PCDHA8: variants seen among roughly 807,000 people sequenced by gnomAD.
The protein encoded by PCDHA8 is protocadherin alpha-8.
A neutral mutation model predicts 61.8 loss-of-function variants in PCDHA8; 53 were observed. The observed-to-expected ratio is 0.86, with a 90% CI of 0.69 to 1.08. The LOEUF is 1.08. Among genes scored for constraint, PCDHA8 ranks in the 50% least tolerant of loss-of-function variants. PCDHA8 has a pLI of 0.00. For synonymous variants in PCDHA8, 618 were observed against 556.6 expected (o/e 1.11, Z -1.55); for missense variants, 1,293 against 1,245.0 (o/e 1.04, Z -0.58).
chr5:140,875,516 TG>T, intron 1 of PCDHA8: 1 of 1,613,976 alleles, frequency 6.2e-7, no homozygotes, highest in Non-Finnish European at 8.5e-7. Context: ...CAGCGTCTGC[TG>T]CTCTCGCTTC....
At chr5:140,962,601 C>T (rs1227208523) in intron 1 of PCDHA8, among the ~76,000 whole-genome samples, 1 of 152,160 alleles carries the variant, frequency 6.6e-6, no homozygotes, top group African/African-American at 2.4e-5. Context: ...TGATATATTT[C>T]TTCTGGAGGA....
intron 1 of PCDHA8, chr5:140,929,567 A>G (rs566554100): frequency 7.2e-5 from 33 of 456,594 alleles, no homozygotes; most frequent in Admixed American, 1.2e-4. Flanking sequence ...ATTTAAGAAC[A>G]ATAAAAGTAA....
At chr5:140,843,810 T>C in intron 1 of PCDHA8, 95 bp downstream of exon 1, 1 of 1,274,540 alleles carries the variant, frequency 7.8e-7, no homozygotes, top group Non-Finnish European at 1.1e-6. Context: ...CCGTATTTTA[T>C]AGTGAAAATT....
At chr5:140,894,527 G>T (rs1184887485) in intron 1 of PCDHA8, among the ~76,000 whole-genome samples, 1 of 151,472 alleles carries the variant, frequency 6.6e-6, no homozygotes, top group African/African-American at 2.4e-5. Flanking sequence ...ATGCTGTTAT[G>T]TGCCTTCTGG....
intron 1 of PCDHA8, chr5:140,966,838 G>T: frequency 6.4e-7 from 1 of 1,566,772 alleles, no homozygotes. Flanking sequence ...CCTGGCTGCT[G>T]CTACTGCCTC....
intron 1 of PCDHA8, among the ~76,000 whole-genome samples, chr5:140,906,949 A>G (rs1349850915): frequency 1.3e-5 from 2 of 152,144 alleles, no homozygotes; most frequent in Non-Finnish European, 2.9e-5. Flanking sequence ...CTTAATTTCC[A>G]GTTTAATGGA....
chr5:141,000,393 CTCTA>C (rs1240848742), intron 3 of PCDHA8, among the ~76,000 whole-genome samples: 128 of 52,788 alleles, frequency 2.4e-3, no homozygotes, highest in Admixed American at 6.8e-3. Context: ...CTCTCTCTCT[CTCTA>C]TATATATATA....
chr5:140,964,785 C>T (rs890090665), intron 1 of PCDHA8, among the ~76,000 whole-genome samples: 2 of 151,408 alleles, frequency 1.3e-5, no homozygotes, highest in East Asian at 3.9e-4. Context: ...GAGGAAGAAG[C>T]CAGAGACCCA....
At chr5:140,849,952 A>G (rs1413987636) in intron 1 of PCDHA8, 1 of 1,597,826 alleles carries the variant, frequency 6.3e-7, no homozygotes, top group Non-Finnish European at 8.6e-7. Context: ...GACGCGCAGG[A>G]GAACGCCCTG....
rs1256595237 is a variant in PCDHA8 at position 140,841,631 on chromosome 5, A to G, written c.310A>G (p.Ile104Val). Residue 104 changes from isoleucine (I) to valine (V), a missense_variant, in exon 1 of 4, where the codon ATC (isoleucine) becomes GTC (valine). Transcript: ENST00000531613. ...ELCGRSAECS[I>V]HLEVIVDRPL... is the part of the protein sequence containing the mutation. The stretch of plus-strand genomic sequence containing the variant: ...GTGCGGGCGGAGCGCGGAGTGCAGC[A>G]TCCACCTGGAGGTGATCGTGGACAG... The G allele has an allele frequency of 6.2e-7, 1 of 1,614,124 alleles. No homozygotes were observed. Among genetic ancestry groups the G allele is most frequent in the Non-Finnish European group, 8.5e-7 (1 of 1,180,008 alleles).
chr5:140,929,205 G>A (rs201292001), intron 1 of PCDHA8: 14 of 1,614,120 alleles, frequency 8.7e-6, no homozygotes, highest in Non-Finnish European at 1.2e-5. Flanking sequence ...GTTTGCTGTT[G>A]CGTGGGGAGT....
chr5:140,858,060 G>A lies in PCDHA8; in HGVS notation c.2394+14345G>A, dbSNP rs17844348. ...ACTGTGCTTGTGTCGCTTGTGGAGG[G>A]CAGCCAGGCACCCAAGGCCTCGTCG... On this transcript the variant is annotated intron_variant, in intron 1 of 3. Transcript: ENST00000531613. The A allele has an allele frequency of 4.3e-4, 686 of 1,597,590 alleles. 15 individuals are homozygous for A. In the East Asian group the frequency reaches 0.015, roughly 34 times the overall value.
chr5:140,845,125 T>C (rs1779709915), intron 1 of PCDHA8, among the ~76,000 whole-genome samples: 1 of 149,748 alleles, frequency 6.7e-6, no homozygotes, highest in Non-Finnish European at 1.5e-5. Flanking sequence ...GTTTAGCATT[T>C]TATTTGACTA....
intron 1 of PCDHA8, among the ~76,000 whole-genome samples, chr5:140,909,254 G>A (rs915513119): frequency 6.6e-6 from 1 of 152,334 alleles, no homozygotes; most frequent in East Asian, 1.9e-4. Context: ...TGCTGGCCTT[G>A]CTGACTGAAG....
chr5:140,871,284 T>C (rs2052909297), intron 1 of PCDHA8: 1 of 1,613,778 alleles, frequency 6.2e-7, no homozygotes, highest in African/African-American at 1.3e-5. Flanking sequence ...CAACGCCCAC[T>C]GAGGGCGCGT....
chr5:141,012,057 A>G lies in PCDHA8; in HGVS notation c.*2120A>G, dbSNP rs2098422809. 6.5e-6 allele frequency: 1 copy of G among 153,774 alleles called. No individual in the cohort carries two copies. Among genetic ancestry groups the G allele is most frequent in the African/African-American group, 2.4e-5 (1 of 41,454 alleles). The allele number at this position is 153,774 out of a possible 1,614,324, so 9.5% of individuals were successfully genotyped here. A position where few individuals can be genotyped will look rare whatever the true frequency, so the allele number is the denominator to read the frequency against. Reference sequence around the variant, plus strand: ...ATTGCATGGGGTAAAACTTGTTACCAACACATGTGAACCATTGCTACATTG... The same window carrying G: ...ATTGCATGGGGTAAAACTTGTTACCGACACATGTGAACCATTGCTACATTG... On this transcript the variant is annotated 3_prime_UTR_variant, in exon 4 of 4. Transcript: ENST00000531613.
chr5:140,876,233 A>G, intron 1 of PCDHA8: 1 of 1,614,016 alleles, frequency 6.2e-7, no homozygotes, highest in Non-Finnish European at 8.5e-7. Context: ...TTGTCTGAAA[A>G]TGTCCAAAAC....
In PCDHA8 at chr5:140,850,079, G is replaced by A. The variant is rs2150466050; in HGVS notation, c.2394+6364G>A. On this transcript the variant is annotated intron_variant, in intron 1 of 3. Coordinates refer to ENST00000531613, the MANE Select transcript of PCDHA8 (RefSeq NM_018911.3). ...TGCAGCCGTTGGACCACGAGGAGCTGGAGCTGCTACAGTTCCAGGTGAGCG... is the reference window on the plus strand; with the variant it reads ...TGCAGCCGTTGGACCACGAGGAGCTAGAGCTGCTACAGTTCCAGGTGAGCG... The A allele has an allele frequency of 1.6e-3, 2,619 of 1,596,602 alleles. 178 individuals are homozygous for A. In the African/African-American group the frequency reaches 0.028, roughly 17 times the overall value.
At chr5:140,966,542 G>C (rs926112867) in intron 1 of PCDHA8, 4 of 464,302 alleles carry the variant, frequency 8.6e-6, no homozygotes, top group Non-Finnish European at 1.5e-5. Flanking sequence ...GAGCGACTCG[G>C]AGGCGAGCGG....
Sources: gnomAD v4.1 joint callset for allele counts (sites outside exome capture counted in the v4.1 genomes callset) on GRCh38, gnomAD v4.1.1 for gene constraint, MANE v1.5 for transcripts, NCBI Gene and HGNC (gene_info 2026-07-23, HGNC 2026-07-21) for gene names.